The following SLC6A7 variants were observed in gnomAD, a reference collection of about 807,000 sequenced individuals.
SLC6A7 encodes the protein solute carrier family 6 member 7.
SLC6A7 carries 58 observed loss-of-function variants against 73.1 expected under a neutral mutation model. That is an observed-to-expected ratio of 0.79 (90% confidence interval 0.64 to 0.99). The LOEUF (loss-of-function observed/expected upper bound fraction) is 0.99. SLC6A7 is among the 50% of genes least tolerant of loss of function. The probability of loss-of-function intolerance (pLI) is 0.00; values close to 1 mark genes in which losing one functional copy is unlikely to be tolerated. For missense variants in SLC6A7, 783 were observed against 831.4 expected, an observed-to-expected ratio of 0.94 and a Z score of 0.72; for synonymous variants, 338 against 338.7, an observed-to-expected ratio of 1.00 and a Z score of 0.02.
Position 150,197,128 on chromosome 5 carries a change from G to A in SLC6A7, c.436G>A (p.Ala146Thr), listed in dbSNP as rs142334935. 54 of 1,614,054 alleles carry A rather than the reference G, an allele frequency of 3.3e-5. No homozygotes were observed. The highest frequency in any genetic ancestry group is 2.8e-4 in the African/African-American group (21 of 75,032). ...CGCCTACGTGCTCTTCTACCTCTTCGCCTCCCTCACCAGCGACCTACCCTG... is the reference window on the plus strand; with the variant it reads ...CGCCTACGTGCTCTTCTACCTCTTCACCTCCCTCACCAGCGACCTACCCTG... ...IIAYVLFYLF[A>T]SLTSDLPWEH... Residue 146 changes from alanine (A) to threonine (T), a missense_variant, in exon 4 of 14, where the codon GCC becomes ACC. Transcript: ENST00000230671.
At chr5:150,199,186 G>A in intron 4 of SLC6A7, 42 bp from the exon 5 acceptor site, 1 of 1,539,900 alleles carries the variant, frequency 6.5e-7, no homozygotes, top group Non-Finnish European at 8.8e-7. Flanking sequence ...TGTGGAGCCT[G>A]GTGGGGTGAC....
chr5:150,204,758 T>A (rs1024351921), intron 11 of SLC6A7, 69 bp from the exon 12 acceptor site: 2 of 1,356,404 alleles, frequency 1.5e-6, no homozygotes, highest in Non-Finnish European at 2.1e-6. Flanking sequence ...GCAGCTGGGG[T>A]AGAGGAGGGG....
chr5:150,192,710 C>T (rs1366609012), intron 1 of SLC6A7, among the ~76,000 whole-genome samples: 1 of 152,182 alleles, frequency 6.6e-6, no homozygotes, highest in Non-Finnish European at 1.5e-5. Flanking sequence ...GCATCCTGCT[C>T]TTGGAACTCT....
intron 1 of SLC6A7, among the ~76,000 whole-genome samples, chr5:150,192,774 C>T (rs1752845835): frequency 2.0e-5 from 3 of 152,334 alleles, no homozygotes; most frequent in East Asian, 1.9e-4. Flanking sequence ...GAAAGGGCAG[C>T]TTCTCTGGAG....
Position 150,204,549 on chromosome 5 carries a change from G to T in SLC6A7, c.1350G>T (p.Leu450=). Residue 450 remains leucine, a synonymous_variant, in exon 11 of 14, where the codon CTG becomes CTT. Coordinates refer to ENST00000230671, the MANE Select transcript of SLC6A7 (RefSeq NM_014228.5). ...ILTTDGGMYW[L]VLLDDYSASF... is the part of the protein sequence containing the mutation. ...TGTTTTAGGGGGGCATGTACTGGCT[G>T]GTCCTTCTGGATGACTACAGCGCCA... is the stretch of plus-strand genomic sequence containing the variant. 6.2e-7 allele frequency: 1 copy of T among 1,613,922 alleles called. No homozygotes were observed. Among genetic ancestry groups the T allele is most frequent in the Non-Finnish European group, 8.5e-7 (1 of 1,179,748 alleles).
At chr5:150,204,678 A>ACTCCC in intron 11 of SLC6A7, 47 bp downstream of exon 11, 1 of 1,465,672 alleles carries the variant, frequency 6.8e-7, no homozygotes, top group Non-Finnish European at 9.6e-7. Flanking sequence ...GCAGTGGGAG[A>ACTCCC]ATGGGAGTCT....
intron 4 of SLC6A7, among the ~76,000 whole-genome samples, chr5:150,197,928 A>T (rs1036623711): frequency 6.6e-6 from 1 of 152,120 alleles, no homozygotes; most frequent in African/African-American, 2.4e-5. Flanking sequence ...CTGGGCACAC[A>T]GTGGGTCCTG....
chr5:150,206,452 T>C (rs935568370), intron 13 of SLC6A7, among the ~76,000 whole-genome samples: 3 of 152,196 alleles, frequency 2.0e-5, no homozygotes, highest in African/African-American at 7.2e-5. Flanking sequence ...TGGAGATATT[T>C]ACACCACAGA....
intron 8 of SLC6A7, 147 bp downstream of exon 8, chr5:150,202,850 G>A (rs773279244): frequency 5.3e-5 from 45 of 855,436 alleles, no homozygotes; most frequent in South Asian, 1.1e-4. Flanking sequence ...CAAGGTGGGC[G>A]GATCGCTTGA....
chr5:150,191,140 G>A (rs1398885991), intron 1 of SLC6A7, among the ~76,000 whole-genome samples: 1 of 152,178 alleles, frequency 6.6e-6, no homozygotes, highest in Non-Finnish European at 1.5e-5. Flanking sequence ...TATTTCTGCC[G>A]CTGCCACTTG....
intron 2 of SLC6A7, among the ~76,000 whole-genome samples, chr5:150,196,298 T>C (rs1289166476): frequency 2.0e-5 from 3 of 152,126 alleles, no homozygotes; most frequent in Admixed American, 6.5e-5. Flanking sequence ...GGAAGGGCTA[T>C]TGGGCCCACG....
At chr5:150,202,999 G>A (rs962546040) in intron 8 of SLC6A7, among the ~76,000 whole-genome samples, 2 of 152,010 alleles carry the variant, frequency 1.3e-5, no homozygotes, top group African/African-American at 2.4e-5. Flanking sequence ...GCTTGAACCC[G>A]GGAGGTGGAG....
intron 13 of SLC6A7, among the ~76,000 whole-genome samples, chr5:150,206,371 G>A (rs1753700558): frequency 1.3e-5 from 2 of 152,300 alleles, no homozygotes; most frequent in South Asian, 4.2e-4. Flanking sequence ...AGCTAGCACT[G>A]GTTCATCCTT....
At position 150,199,209 on chromosome 5, in the gene SLC6A7, A is replaced by C. The variant is rs779247596; in HGVS notation, c.585-19A>C. On this transcript the variant is annotated intron_variant, in intron 4 of 13. Coordinates refer to ENST00000230671, the MANE Select transcript of SLC6A7 (RefSeq NM_014228.5). The stretch of plus-strand genomic sequence containing the variant: ...CTGGTGGGGTGACCAGGGGACACTG[A>C]GACCTTTGTCTCCCACAGCCGCTAC... 1 of 1,574,078 alleles carries C rather than the reference A, an allele frequency of 6.4e-7. No homozygotes were observed. The highest frequency in any genetic ancestry group is 1.2e-5 in the South Asian group (1 of 85,126).
chr5:150,208,497 T>C (rs1753807856), intron 13 of SLC6A7, among the ~76,000 whole-genome samples: 1 of 152,160 alleles, frequency 6.6e-6, no homozygotes, highest in South Asian at 2.1e-4. Context: ...TGGTGCACAC[T>C]TTGGATTTCA....
At position 150,210,474 on chromosome 5, in the gene SLC6A7, G is replaced by C. The variant is rs1216859815; in HGVS notation, c.*859G>C. 6.5e-6 allele frequency: 1 copy of C among 152,682 alleles called. No homozygotes were observed. The highest frequency in any genetic ancestry group is 1.5e-5 in the Non-Finnish European group (1 of 68,346). 9.5% of individuals were successfully genotyped at this position (152,682 alleles called of 1,614,324 possible). A position where few individuals can be genotyped will look rare whatever the true frequency, so the allele number is the denominator to read the frequency against. On this transcript the variant is annotated 3_prime_UTR_variant, in exon 14 of 14. Coordinates refer to ENST00000230671, the MANE Select transcript of SLC6A7 (RefSeq NM_014228.5). Reference sequence around the variant, plus strand: ...GATCGGACGGGACAGGGTGGAGCGGGGAGGCCTGTGCAAAGTGGGAAAGAG... The same window carrying C: ...GATCGGACGGGACAGGGTGGAGCGGCGAGGCCTGTGCAAAGTGGGAAAGAG...
intron 1 of SLC6A7, 146 bp from the exon 2 acceptor site, chr5:150,194,582 G>T (rs1363023404): frequency 1.2e-5 from 8 of 664,046 alleles, no homozygotes; most frequent in Non-Finnish European, 5.3e-6. Flanking sequence ...ATATGACAAG[G>T]TTAGTCCAGT....
intron 13 of SLC6A7, among the ~76,000 whole-genome samples, chr5:150,206,963 C>T (rs979173584): frequency 1.3e-5 from 2 of 152,138 alleles, no homozygotes; most frequent in Non-Finnish European, 2.9e-5. Flanking sequence ...TTGGGGGGCT[C>T]GAGAGCTGTG....
In SLC6A7 at chr5:150,204,893, C is replaced by A; in HGVS notation, c.1499C>A (p.Ala500Asp). ...LGFKPGLYFR[A>D]CWLFLSPATL... Reference sequence around the variant, plus strand: ...TTCAAGCCGGGCCTCTACTTCAGGGCCTGCTGGCTGTTCCTGTCCCCAGCC... The same window carrying A: ...TTCAAGCCGGGCCTCTACTTCAGGGACTGCTGGCTGTTCCTGTCCCCAGCC... Residue 500 changes from alanine (A) to aspartate (D), a missense_variant, in exon 12 of 14, where the codon GCC becomes GAC. Physicochemically the swap from Ala to Asp is moderately radical, Grantham distance 126 (BLOSUM62 -2). Transcript: ENST00000230671. 6.2e-7 allele frequency: 1 copy of A among 1,609,142 alleles called. No homozygotes were observed. Among genetic ancestry groups the A allele is most frequent in the East Asian group, 2.2e-5 (1 of 44,850 alleles).
Sources: allele counts gnomAD v4.1 joint callset (sites outside exome capture counted in the v4.1 genomes callset), GRCh38; gene constraint gnomAD v4.1.1; transcripts MANE v1.5; gene names NCBI Gene and HGNC (gene_info 2026-07-23, HGNC 2026-07-21).